Variants in TOX2 observed in about 807,000 individuals in gnomAD.
TOX2 encodes granulosa cell HMG box 1.
In TOX2, 15 loss-of-function variants were observed where a neutral mutation model predicts 47.4. The observed-to-expected ratio is 0.32, with a 90% CI of 0.21 to 0.49. The LOEUF (loss-of-function observed/expected upper bound fraction) is 0.49. TOX2 is among the 20% of genes least tolerant of loss of function. The pLI is 0.99. For missense variants in TOX2, 622 were observed against 673.1 expected, an observed-to-expected ratio of 0.92 and a Z score of 0.84; for synonymous variants, 290 against 296.6, an observed-to-expected ratio of 0.98 and a Z score of 0.23.
intron 1 of TOX2, among the ~76,000 whole-genome samples, chr20:43,968,527 G>A (rs2069901980): frequency 6.6e-6 from 1 of 152,184 alleles, no homozygotes; most frequent in African/African-American, 2.4e-5. Context: ...GAAAGGAGAG[G>A]TAGGGGAGAG....
intron 1 of TOX2, among the ~76,000 whole-genome samples, chr20:43,956,195 A>G (rs906503273): frequency 2.6e-4 from 40 of 152,088 alleles, no homozygotes; most frequent in African/African-American, 9.4e-4. Flanking sequence ...CTTCCCATCT[A>G]CTTATCACCC....
intron 1 of TOX2, among the ~76,000 whole-genome samples, chr20:43,940,763 G>T (rs958824541): frequency 8.5e-5 from 13 of 152,196 alleles, no homozygotes; most frequent in African/African-American, 2.9e-4. Flanking sequence ...ATGGGATTAA[G>T]CAAACACAAA....
chr20:44,033,265 G>C (rs2071185218), intron 3 of TOX2, among the ~76,000 whole-genome samples: 1 of 152,004 alleles, frequency 6.6e-6, no homozygotes, highest in Non-Finnish European at 1.5e-5. Flanking sequence ...CCAAAAAGGA[G>C]ATAGTTTTCA....
chr20:44,068,896 G>T lies in TOX2; in HGVS notation c.*210G>T, dbSNP rs569396732. On this transcript the variant is annotated 3_prime_UTR_variant, in exon 9 of 9. Coordinates refer to ENST00000341197, the MANE Select transcript of TOX2 (RefSeq NM_001098797.2). Reference sequence around the variant, plus strand: ...TGCCCACCACCAGCCCAAAGAACCTGCAGGAACCTTCCGCCCGCTGACCTG... The same window carrying T: ...TGCCCACCACCAGCCCAAAGAACCTTCAGGAACCTTCCGCCCGCTGACCTG... 2.2e-4 allele frequency: 165 copies of T among 736,398 alleles called. No homozygotes were observed. Among genetic ancestry groups the T allele is most frequent in the Non-Finnish European group, 2.6e-4 (105 of 408,336 alleles). The allele number at this position is 736,398 out of a possible 1,614,324, so 45.6% of individuals were successfully genotyped here. A position where few individuals can be genotyped will look rare whatever the true frequency, so the allele number is the denominator to read the frequency against.
At chr20:44,021,801 G>T (rs890734572) in intron 3 of TOX2, among the ~76,000 whole-genome samples, 4 of 91,452 alleles carry the variant, frequency 4.4e-5, no homozygotes, top group Non-Finnish European at 9.1e-5. Context: ...GCTAATTTTT[G>T]ATTTTTTTTT....
At chr20:44,051,914 C>T (rs533672041) in intron 4 of TOX2, among the ~76,000 whole-genome samples, 104 of 152,200 alleles carry the variant, frequency 6.8e-4, no homozygotes, top group African/African-American at 2.4e-3. Context: ...CAGCCTTGTG[C>T]GTAAAGCAGA....
chr20:44,009,352 G>A (rs2070742560), intron 3 of TOX2, among the ~76,000 whole-genome samples: 1 of 151,446 alleles, frequency 6.6e-6, no homozygotes, highest in South Asian at 2.1e-4. Context: ...AGGGAAGGAG[G>A]GTGGGAGGAA....
chr20:44,033,902 G>A (rs1284989886), intron 3 of TOX2, among the ~76,000 whole-genome samples: 11 of 152,182 alleles, frequency 7.2e-5, no homozygotes, highest in Non-Finnish European at 1.5e-4. Context: ...AGTCTCTGCT[G>A]CCTTCTCAGA....
At chr20:43,964,219 G>A (rs1261945487) in intron 1 of TOX2, among the ~76,000 whole-genome samples, 2 of 152,134 alleles carry the variant, frequency 1.3e-5, no homozygotes, top group African/African-American at 4.8e-5. Flanking sequence ...GATGGACCTG[G>A]AGTTGGTGTA....
At chr20:43,987,323 T>C (rs2145530230) in intron 2 of TOX2, among the ~76,000 whole-genome samples, 1 of 152,196 alleles carries the variant, frequency 6.6e-6, no homozygotes, top group South Asian at 2.1e-4. Context: ...CAGGCAAAAC[T>C]AATCAATGGA....
chr20:43,925,723 A>C, intron 1 of TOX2, among the ~76,000 whole-genome samples: 1 of 152,280 alleles, frequency 6.6e-6, no homozygotes, highest in East Asian at 1.9e-4. Flanking sequence ...TTGACTTCTT[A>C]GTTTCTAGCA....
rs1555841868 is a variant in TOX2, at chr20:44,023,431, G to GGAAAAAA, written c.411+16639_411+16640insGAAAAAA. Among the ~76,000 whole-genome samples the GGAAAAAA allele has an allele frequency of 7.3e-4, 87 of 119,130 alleles. 24 individuals are homozygous for GGAAAAAA. The highest frequency in any genetic ancestry group is 5.0e-3 in the Middle Eastern group (1 of 200). 78.2% of individuals were successfully genotyped at this position (119,130 alleles called of 152,430 possible). A position where few individuals can be genotyped will look rare whatever the true frequency, so the allele number is the denominator to read the frequency against. On this transcript the variant is annotated intron_variant, in intron 3 of 8. Transcript: ENST00000341197. The stretch of plus-strand genomic sequence containing the variant: ...GGTGACAGAGCTAGACTTTATCTCA[G>GGAAAAAA]AAAAAAAAAAAAAAAAAAAGGAGGG...
At chr20:43,966,726 C>A (rs1397471905) in intron 1 of TOX2, among the ~76,000 whole-genome samples, 1 of 150,376 alleles carries the variant, frequency 6.6e-6, no homozygotes, top group East Asian at 2.0e-4. Context: ...TTCACTCCAG[C>A]CTGGGCGACA....
chr20:43,948,025 CCT>C (rs1255900895), intron 1 of TOX2, among the ~76,000 whole-genome samples: 1 of 152,214 alleles, frequency 6.6e-6, no homozygotes, highest in Non-Finnish European at 1.5e-5. Context: ...AGCACAGCAA[CCT>C]CTCTCAGCCA....
intron 3 of TOX2, among the ~76,000 whole-genome samples, chr20:44,022,171 A>G (rs759609113): frequency 1.3e-5 from 2 of 152,212 alleles, no homozygotes; most frequent in Admixed American, 6.5e-5. Context: ...CTCTGTGCCC[A>G]TGGCCCTGCT....
intron 3 of TOX2, among the ~76,000 whole-genome samples, chr20:44,044,551 A>G (rs541860598): frequency 6.6e-6 from 1 of 152,172 alleles, no homozygotes; most frequent in South Asian, 2.1e-4. Flanking sequence ...TTGCATTTTT[A>G]TGGACAAGAA....
At chr20:44,018,073 G>T (rs891859315) in intron 3 of TOX2, among the ~76,000 whole-genome samples, 1 of 152,188 alleles carries the variant, frequency 6.6e-6, no homozygotes, top group Non-Finnish European at 1.5e-5. Flanking sequence ...GGACTGTCCC[G>T]GCACCGAAGG....
chr20:43,964,461 G>A (rs1028779350), intron 1 of TOX2, among the ~76,000 whole-genome samples: 3 of 152,208 alleles, frequency 2.0e-5, no homozygotes, highest in Non-Finnish European at 4.4e-5. Context: ...CGTTCTCACC[G>A]CCCAATGTGG....
chr20:44,065,233 CG>C, intron 6 of TOX2, among the ~76,000 whole-genome samples: 1 of 152,310 alleles, frequency 6.6e-6, no homozygotes, highest in East Asian at 1.9e-4. Flanking sequence ...CTCACCACAC[CG>C]TCGGCCTCCT....
Sources: gnomAD v4.1 joint callset for allele counts (sites outside exome capture counted in the v4.1 genomes callset) on GRCh38, gnomAD v4.1.1 for gene constraint, MANE v1.5 for transcripts, NCBI Gene and HGNC (gene_info 2026-07-23, HGNC 2026-07-21) for gene names.